The following HLA-DQA1 variants were observed in gnomAD, a reference collection of about 807,000 sequenced individuals.
HLA-DQA1 encodes HLA class II histocompatibility antigen, DQ alpha 1 chain.
Under a neutral mutation model 20.7 loss-of-function variants are expected in HLA-DQA1, and 10 were observed. The ratio of observed to expected loss-of-function variants is 0.48; its 90% CI spans 0.30 to 0.82. The LOEUF (loss-of-function observed/expected upper bound fraction) is 0.82. Ranked by LOEUF, HLA-DQA1 falls within the 40% of genes least tolerant of loss-of-function variation. The pLI is 0.07. For synonymous variants in HLA-DQA1, 39 were observed against 109.2 expected (o/e 0.36, Z 4.01); for missense variants, 127 against 293.0 (o/e 0.43, Z 4.14).
chr6:32,652,982 A>G, the HLA-DQA1 span, among the ~76,000 whole-genome samples: 7,292 of 149,396 alleles, frequency 0.049, 431 homozygotes, highest in South Asian at 0.13. Flanking sequence ...GAAAGGGTTT[A>G]GGACATTTAT....
intron 1 of HLA-DQA1, among the ~76,000 whole-genome samples, chr6:32,640,823 A>AAAAAAAG (rs1781334847): frequency 3.6e-5 from 4 of 111,768 alleles, no homozygotes; most frequent in Non-Finnish European, 5.8e-5. Context: ...AAAAAAAAAA[A>AAAAAAAG]AAAGAAAGAT....
chr6:32,643,917 G>A (rs4526236), downstream of HLA-DQA1: 54,375 of 147,874 alleles, frequency 0.37, 11,358 homozygotes, highest in Middle Eastern at 0.48. Context: ...GAATAGAGGC[G>A]CAGTCTGCCT....
At chr6:32,644,018 G>A (rs9273029), downstream of HLA-DQA1, 43,533 of 108,444 alleles carry the variant, frequency 0.4, 6,823 homozygotes, top group Middle Eastern at 0.6. Context: ...TATGGCTACA[G>A]GATGTTTCTT....
At position 32,643,438 on chromosome 6, in the gene HLA-DQA1, C is replaced by T. The variant is rs36216571; in HGVS notation, c.*507C>T. 20,624 of 223,898 alleles carry T rather than the reference C, an allele frequency of 0.092. 2,685 individuals are homozygous for T. Among genetic ancestry groups the T allele is most frequent in the South Asian group, 0.26 (4,753 of 18,146 alleles). 13.9% of individuals were successfully genotyped at this position (223,898 alleles called of 1,614,324 possible). On this transcript the variant is annotated 3_prime_UTR_variant, in exon 5 of 5. Coordinates refer to ENST00000343139, the MANE Select transcript of HLA-DQA1 (RefSeq NM_002122.5). ...GATAATATGTTGATTTCTTAGCTGA[C>T]ATTAATATTTCTTGCTTCCTTGTGT...
chr6:32,652,759 C>A, the HLA-DQA1 span, among the ~76,000 whole-genome samples: 79,874 of 142,764 alleles, frequency 0.56, 23,133 homozygotes, highest in Middle Eastern at 0.71. Context: ...TCTTCTAAGA[C>A]GGAGGAAAGA....
At chr6:32,654,134 G>A in the HLA-DQA1 span, among the ~76,000 whole-genome samples, 2,171 of 72,454 alleles carry the variant, frequency 0.03, 382 homozygotes, top group African/African-American at 0.067. Context: ...CTGAAACTCT[G>A]TCTTTACAAA....
the HLA-DQA1 span, among the ~76,000 whole-genome samples, chr6:32,653,847 A>AC: frequency 0.016 from 1,069 of 65,654 alleles, 21 homozygotes; most frequent in Admixed American, 0.025. Context: ...TCATTATGTT[A>AC]AAGAACCTGG....
downstream of HLA-DQA1, among the ~76,000 whole-genome samples, chr6:32,648,916 T>C (rs58359033): frequency 0.16 from 15,354 of 96,608 alleles, 5,823 homozygotes; most frequent in South Asian, 0.4. Flanking sequence ...CTTTAGCTGA[T>C]AAGCAACTTC....
downstream of HLA-DQA1, chr6:32,645,882 GTGTGTGTC>G (rs1781873736): frequency 1.2e-5 from 1 of 85,128 alleles, no homozygotes; most frequent in Non-Finnish European, 2.6e-5. Context: ...GTGTGTGTGT[GTGTGTGTC>G]TGTAATATAA....
rs9272782 is a variant in HLA-DQA1, at chr6:32,642,594, A to G, written c.614-16A>G. 47,505 of 1,181,524 alleles carry G rather than the reference A, an allele frequency of 0.04. 11,609 individuals carry two copies. The highest frequency in any genetic ancestry group is 0.19 in the Admixed American group (7,922 of 42,242). The allele number at this position is 1,181,524 out of a possible 1,614,324, so 73.2% of individuals were successfully genotyped here. On this transcript the variant is annotated splice_polypyrimidine_tract_variant and intron_variant, in intron 3 of 4. Transcript: ENST00000343139. ...GCACACTCTGCATTCTGACCTCAACAACTTCACTTCCACAGAGCCTGAGAT... is the reference window on the plus strand; with the variant it reads ...GCACACTCTGCATTCTGACCTCAACGACTTCACTTCCACAGAGCCTGAGAT...
chr6:32,644,758 G>GCA (rs879364713), downstream of HLA-DQA1: 9,078 of 89,958 alleles, frequency 0.1, 1,486 homozygotes, highest in East Asian at 0.14. Flanking sequence ...GCTGAGATTG[G>GCA]ATTGGTAAGA....
At position 32,642,362 on chromosome 6, in the gene HLA-DQA1, C is replaced by T; in HGVS notation, c.613+109C>T. On this transcript the variant is annotated intron_variant, in intron 3 of 4. Transcript: ENST00000343139. ...CTTGTTTTCCACACTTCATGGGTTT[C>T]TTTTCTGTCTCTCTTTTTTTTTTGA... 11 of 707,906 alleles carry T rather than the reference C, an allele frequency of 1.6e-5. 3 individuals are homozygous for T. Among genetic ancestry groups the T allele is most frequent in the Non-Finnish European group, 2.2e-5 (10 of 455,444 alleles). 43.9% of individuals were successfully genotyped at this position (707,906 alleles called of 1,614,324 possible).
At chr6:32,655,145 AGT>A in the HLA-DQA1 span, among the ~76,000 whole-genome samples, 2,690 of 101,192 alleles carry the variant, frequency 0.027, 58 homozygotes, top group East Asian at 0.11. Context: ...TGTATCAAAA[AGT>A]CATGTAGTAC....
downstream of HLA-DQA1, among the ~76,000 whole-genome samples, chr6:32,650,188 C>A: frequency 1.0e-5 from 1 of 97,018 alleles, no homozygotes; most frequent in Non-Finnish European, 2.3e-5. Flanking sequence ...ATTAAAAAGT[C>A]AGGAAACAAC....
chr6:32,641,370 A>T lies in HLA-DQA1; in HGVS notation c.143A>T (p.Tyr48Phe), dbSNP rs12722051. The change falls in exon 2 of 5, where the codon TAC (tyrosine) becomes TTC (phenylalanine). Residue 48 changes from tyrosine (Y) to phenylalanine (F), a missense_variant. By Grantham distance (22) the Tyr-to-Phe change is conservative. This residue lies in a region of HLA-DQA1 where 15 missense variants were observed against 56.2 expected (regional missense o/e 0.27). Transcript: ENST00000343139. The part of the protein sequence containing the change: ...LYQFYGPSGQ[Y>F]THEFDGDEQF... ...CAGTTTTACGGTCCCTCTGGCCAGT[A>T]CACCCATGAATTTGATGGAGATGAG... is the stretch of plus-strand genomic sequence containing the variant. 0.17 allele frequency: 185,496 copies of T among 1,079,022 alleles called. 55,683 individuals carry two copies. The highest frequency in any genetic ancestry group is 0.38 in the South Asian group (28,647 of 74,958). The allele number at this position is 1,079,022 out of a possible 1,614,324, so 66.8% of individuals were successfully genotyped here.
chr6:32,640,904 A>C (rs9272662), intron 1 of HLA-DQA1, among the ~76,000 whole-genome samples: 1 of 96,532 alleles, frequency 1.0e-5, no homozygotes, highest in Non-Finnish European at 2.2e-5. Context: ...GTTATTAACC[A>C]ATGAAAGAAT....
chr6:32,648,039 G>A (rs17612669), downstream of HLA-DQA1, among the ~76,000 whole-genome samples: 9,363 of 39,304 alleles, frequency 0.24, 484 homozygotes, highest in South Asian at 0.51. Context: ...AAAGTGTCAC[G>A]CAGGAACCAG....
In HLA-DQA1 at chr6:32,642,192, T is replaced by A; in HGVS notation, c.552T>A (p.Asp184Glu). Residue 184 changes from aspartate (D) to glutamate (E), a missense_variant, in exon 3 of 5, where the codon GAT becomes GAA. Physicochemically the swap from Asp to Glu is conservative, Grantham distance 45. Coordinates refer to ENST00000343139, the MANE Select transcript of HLA-DQA1 (RefSeq NM_002122.5). The stretch of plus-strand genomic sequence containing the variant: ...ACCTCACCTTCCTCCCTTCTGCTGA[T>A]GAGATTTATGACTGCAAGGTGGAGC... ...ISYLTFLPSADEIYDCKVEHW... is the reference protein window; with the variant it reads ...ISYLTFLPSAEEIYDCKVEHW... The A allele has an allele frequency of 1.5e-6, 2 of 1,304,226 alleles. No individual in the cohort carries two copies. Among genetic ancestry groups the A allele is most frequent in the Non-Finnish European group, 2.1e-6 (2 of 938,968 alleles). 80.8% of individuals were successfully genotyped at this position (1,304,226 alleles called of 1,614,324 possible).
chr6:32,653,049 C>A, the HLA-DQA1 span, among the ~76,000 whole-genome samples: 1 of 148,986 alleles, frequency 6.7e-6, no homozygotes, highest in Non-Finnish European at 1.5e-5. Flanking sequence ...GGAGTAAAAT[C>A]CGATGAGGCA....
Sources: allele counts gnomAD v4.1 joint callset (sites outside exome capture counted in the v4.1 genomes callset), GRCh38; gene constraint gnomAD v4.1.1; regional missense constraint gnomAD v4.1.1; transcripts MANE v1.5; gene names NCBI Gene and HGNC (gene_info 2026-07-23, HGNC 2026-07-21).